GRK5: variants seen among roughly 807,000 people sequenced by gnomAD.
GRK5 encodes G protein-coupled receptor kinase 5.
GRK5 carries 40 observed loss-of-function variants against 78.4 expected under a neutral mutation model. The observed-to-expected ratio is 0.51, with a 90% CI of 0.40 to 0.66. The LOEUF (loss-of-function observed/expected upper bound fraction) is 0.66. Among genes scored for constraint, GRK5 ranks in the 30% least tolerant of loss-of-function variants. The pLI, the probability that GRK5 is intolerant of heterozygous loss-of-function variation, is 0.00. For missense variants in GRK5, 598 were observed against 759.9 expected (o/e 0.79, Z 2.50); for synonymous variants, 289 against 296.8 (o/e 0.97, Z 0.27).
chr10:119,224,566 T>A (rs572577534), intron 1 of GRK5, among the ~76,000 whole-genome samples: 34 of 152,102 alleles, frequency 2.2e-4, no homozygotes, highest in African/African-American at 7.7e-4. Context: ...CCCGCCACCA[T>A]GCCCGGCTAA....
intron 4 of GRK5, among the ~76,000 whole-genome samples, chr10:119,418,425 T>G (rs1391897209): frequency 6.6e-6 from 1 of 152,102 alleles, no homozygotes; most frequent in African/African-American, 2.4e-5. Flanking sequence ...AAGGCCTTTC[T>G]CATCCAGCCA....
chr10:119,427,135 C>G (rs1234813059), intron 6 of GRK5, among the ~76,000 whole-genome samples: 1 of 151,682 alleles, frequency 6.6e-6, no homozygotes, highest in African/African-American at 2.4e-5. Flanking sequence ...CTGCCATCAT[C>G]AGCATCACTG....
At chr10:119,272,899 A>C (rs4751706) in intron 1 of GRK5, among the ~76,000 whole-genome samples, 152,174 of 152,260 alleles carry the variant, frequency 1, 76,044 homozygotes, top group Non-Finnish European at 1. Context: ...TGTGGAGGGG[A>C]CTCCGCAGGC....
intron 1 of GRK5, among the ~76,000 whole-genome samples, chr10:119,214,947 A>G (rs1166821944): frequency 6.6e-6 from 1 of 152,252 alleles, no homozygotes; most frequent in Non-Finnish European, 1.5e-5. Context: ...CCTTCCAGGC[A>G]GAGCAGGTGT....
chr10:119,238,617 C>G lies in GRK5; in HGVS notation c.52+30648C>G, dbSNP rs910629255. 2.0e-5 allele frequency among the ~76,000 whole-genome samples: 3 copies of G among 152,140 alleles called. No individual in the cohort carries two copies. The highest frequency in any genetic ancestry group is 4.4e-5 in the Non-Finnish European group (3 of 68,040). ...CCTTCTCTTAGACATGTAGGGTTCGCGCCGTTGACCTGAGCTTCAGTGCCA... is the reference window on the plus strand; with the variant it reads ...CCTTCTCTTAGACATGTAGGGTTCGGGCCGTTGACCTGAGCTTCAGTGCCA... On this transcript the variant is annotated intron_variant, in intron 1 of 15. Coordinates refer to ENST00000392870, the MANE Select transcript of GRK5 (RefSeq NM_005308.3). This position sits in a 1 kb window ranked among gnomAD's most constrained non-coding sequence, Gnocchi z 4.7.
At chr10:119,411,839 C>CTTTTTTTT (rs1554919064) in intron 4 of GRK5, among the ~76,000 whole-genome samples, 2 of 55,620 alleles carry the variant, frequency 3.6e-5, no homozygotes, top group Admixed American at 3.3e-4. Context: ...TGCAGATCTG[C>CTTTTTTTT]TTCTTTTTTT....
At chr10:119,283,576 G>T (rs1363351224) in intron 1 of GRK5, among the ~76,000 whole-genome samples, 4 of 152,250 alleles carry the variant, frequency 2.6e-5, no homozygotes, top group Admixed American at 2.6e-4. Context: ...TGCTGATGGT[G>T]TCTCTGGCAA....
chr10:119,303,622 T>C (rs1850223179), intron 1 of GRK5, among the ~76,000 whole-genome samples: 1 of 152,170 alleles, frequency 6.6e-6, no homozygotes, highest in Admixed American at 6.5e-5. Flanking sequence ...GGATTTCAAA[T>C]GAGAGAATTC....
chr10:119,386,217 T>C (rs1278503172), intron 3 of GRK5, among the ~76,000 whole-genome samples: 3 of 152,242 alleles, frequency 2.0e-5, no homozygotes, highest in East Asian at 3.9e-4. Context: ...AGCTGGTGTT[T>C]AGAGAGCCCT....
intron 1 of GRK5, among the ~76,000 whole-genome samples, chr10:119,305,457 C>G (rs994825651): frequency 6.6e-6 from 1 of 152,236 alleles, no homozygotes; most frequent in Non-Finnish European, 1.5e-5. Flanking sequence ...GACGTGGTCT[C>G]TGTCCTCTTG....
chr10:119,317,683 C>G (rs1850515962), intron 1 of GRK5, among the ~76,000 whole-genome samples: 1 of 152,120 alleles, frequency 6.6e-6, no homozygotes, highest in South Asian at 2.1e-4. Flanking sequence ...GCGACCTTGT[C>G]AGAGTCAGAG....
chr10:119,395,210 T>C (rs781436703), intron 3 of GRK5, among the ~76,000 whole-genome samples: 1 of 152,230 alleles, frequency 6.6e-6, no homozygotes, highest in Non-Finnish European at 1.5e-5. Context: ...GTGATCTAAA[T>C]GATTGTAGTG....
intron 1 of GRK5, among the ~76,000 whole-genome samples, chr10:119,262,060 T>A (rs1435924305): frequency 6.6e-6 from 1 of 152,250 alleles, no homozygotes; most frequent in African/African-American, 2.4e-5. Flanking sequence ...TACATTTTTA[T>A]TTTTGGAAAC....
At chr10:119,425,289 AC>A (rs1852656549) in intron 6 of GRK5, among the ~76,000 whole-genome samples, 2 of 136,648 alleles carry the variant, frequency 1.5e-5, no homozygotes, top group East Asian at 2.0e-4. Context: ...ACACACACAC[AC>A]ACACACAAAC....
intron 1 of GRK5, among the ~76,000 whole-genome samples, chr10:119,260,921 C>T (rs1187258845): frequency 8.0e-4 from 121 of 151,116 alleles, no homozygotes; most frequent in Non-Finnish European, 1.6e-3. Flanking sequence ...AGCTGTTGGG[C>T]ACACCTCCCA....
intron 2 of GRK5, among the ~76,000 whole-genome samples, chr10:119,332,549 T>C (rs758638448): frequency 1.3e-5 from 2 of 152,218 alleles, no homozygotes; most frequent in Non-Finnish European, 2.9e-5. Context: ...TCTACATTCA[T>C]AATTGAAGGA....
intron 1 of GRK5, among the ~76,000 whole-genome samples, chr10:119,220,664 G>A (rs1288459366): frequency 4.6e-5 from 7 of 151,432 alleles, no homozygotes; most frequent in African/African-American, 4.9e-5. Flanking sequence ...GCAAAACCCC[G>A]TCTCTATTAA....
At chr10:119,355,084 A>T (rs555775852) in intron 2 of GRK5, among the ~76,000 whole-genome samples, 1 of 152,244 alleles carries the variant, frequency 6.6e-6, no homozygotes, top group African/African-American at 2.4e-5. Flanking sequence ...TGTAAATGCT[A>T]TATAAATAGT....
chr10:119,453,523 G>A (rs904195720), intron 15 of GRK5, among the ~76,000 whole-genome samples: 4 of 152,220 alleles, frequency 2.6e-5, no homozygotes, highest in African/African-American at 4.8e-5. Flanking sequence ...CCTTGACACT[G>A]TTGGCGCCTG....
Sources: gnomAD v4.1 joint callset for allele counts (sites outside exome capture counted in the v4.1 genomes callset) on GRCh38, gnomAD v4.1.1 for gene constraint, Gnocchi (gnomAD v3.1) non-coding constraint, MANE v1.5 for transcripts, NCBI Gene and HGNC (gene_info 2026-07-23, HGNC 2026-07-21) for gene names.